Variants in HIVEP2 observed in about 807,000 individuals in gnomAD.
HIVEP2 encodes the protein HIVEP zinc finger 2.
HIVEP2 carries 14 observed loss-of-function variants against 180.7 expected under a neutral mutation model. That is an observed-to-expected ratio of 0.08 (90% CI 0.05 to 0.12). The LOEUF is 0.12. HIVEP2 is among the 10% of genes least tolerant of loss of function. The probability of loss-of-function intolerance (pLI) is 1.00; values close to 1 mark genes in which losing one functional copy is unlikely to be tolerated. For synonymous variants in HIVEP2, 1,184 were observed against 1,136.4 expected (o/e 1.04, Z -0.84); for missense variants, 2,579 against 3,008.5 (o/e 0.86, Z 3.34).
intron 2 of HIVEP2, among the ~76,000 whole-genome samples, chr6:142,792,319 GA>G (rs1274329522): frequency 6.6e-6 from 1 of 152,174 alleles, no homozygotes; most frequent in East Asian, 1.9e-4. Context: ...TGGAGCAAAG[GA>G]GGAAAAGATA....
chr6:142,883,029 G>A (rs1467830439), intron 1 of HIVEP2, among the ~76,000 whole-genome samples: 1 of 151,858 alleles, frequency 6.6e-6, no homozygotes, highest in East Asian at 1.9e-4. Context: ...AAGTATACAG[G>A]GAAATCTGCT....
intron 1 of HIVEP2, among the ~76,000 whole-genome samples, chr6:142,846,998 C>T (rs1463949746): frequency 6.6e-6 from 1 of 152,166 alleles, no homozygotes; most frequent in Non-Finnish European, 1.5e-5. Context: ...ATGCTGTAAA[C>T]ATGCTCATTA....
rs148658713 is a variant in HIVEP2 at position 142,851,074 on chromosome 6, T to C, written c.-640-14027A>G. 3.0e-4 allele frequency among the ~76,000 whole-genome samples: 46 copies of C among 152,346 alleles called. 1 individual carries two copies. The East Asian group carries it at 7.5e-3, about 25-fold the overall frequency. ...CTAGATGGTTAGTTTCTGGGAAATA[T>C]ACAAATAATAGAAGCACTTTCATAT... On this transcript the variant is annotated intron_variant, in intron 1 of 9. Transcript: ENST00000367603.
intron 3 of HIVEP2, among the ~76,000 whole-genome samples, chr6:142,780,281 T>G (rs1380288387): frequency 6.6e-6 from 1 of 152,230 alleles, no homozygotes; most frequent in Non-Finnish European, 1.5e-5. Context: ...AGCTTCCATC[T>G]TTGTGCCTAA....
At chr6:142,823,392 C>T (rs1479719825) in intron 2 of HIVEP2, among the ~76,000 whole-genome samples, 1 of 152,220 alleles carries the variant, frequency 6.6e-6, no homozygotes, top group African/African-American at 2.4e-5. Context: ...TGCCCAATCT[C>T]TTTGCACCAG....
In HIVEP2 at chr6:142,760,077, A is replaced by C. The variant is rs781353572; in HGVS notation, c.6211T>G (p.Ser2071Ala). 6.2e-7 allele frequency: 1 copy of C among 1,614,164 alleles called. No individual in the cohort carries two copies. The highest frequency in any genetic ancestry group is 8.5e-7 in the Non-Finnish European group (1 of 1,180,016). Residue 2071 changes from serine to alanine, a missense_variant, in exon 9 of 10, where the codon TCT becomes GCT. Transcript: ENST00000367603. ...KRYLIPKGDL[S>A]PRRHLSPRRD... is the part of the protein sequence containing the mutation. The stretch of plus-strand genomic sequence containing the variant: ...CTAGGTGATAAATGTCTCCTGGGAG[A>C]TAAATCTCCTTTGGGTATCAGATAC...
At chr6:142,777,546 G>A (rs1003370874) in intron 3 of HIVEP2, among the ~76,000 whole-genome samples, 1 of 149,936 alleles carries the variant, frequency 6.7e-6, no homozygotes, top group African/African-American at 2.5e-5. Flanking sequence ...TACTTGGGAG[G>A]CTGAGGCAGG....
intron 9 of HIVEP2, among the ~76,000 whole-genome samples, chr6:142,758,301 C>T (rs1248825160): frequency 6.6e-6 from 1 of 152,110 alleles, no homozygotes; most frequent in Non-Finnish European, 1.5e-5. Context: ...GAAGTTGGTA[C>T]CAGACTTGTG....
chr6:142,793,665 TTCTTTCTTTCTCTCTCTC>T (rs1776205605), intron 2 of HIVEP2, among the ~76,000 whole-genome samples: 1 of 100,636 alleles, frequency 9.9e-6, no homozygotes, highest in Non-Finnish European at 2.0e-5. Context: ...TCTTTTTTCT[TTCTTTCTTTCTCTCTCTC>T]TCTCTCTCTC....
At chr6:142,911,232 A>G (rs1330496373) in intron 1 of HIVEP2, among the ~76,000 whole-genome samples, 2 of 152,000 alleles carry the variant, frequency 1.3e-5, no homozygotes, top group African/African-American at 2.4e-5. Context: ...AGAGGGGCAG[A>G]GCCTAGGACT....
chr6:142,883,929 C>CT (rs754500428), intron 1 of HIVEP2, among the ~76,000 whole-genome samples: 17 of 152,050 alleles, frequency 1.1e-4, no homozygotes, highest in Non-Finnish European at 2.1e-4. Flanking sequence ...GAAGGTTTTT[C>CT]TTTTTTGTAG....
chr6:142,909,268 A>G (rs938989447), intron 1 of HIVEP2, among the ~76,000 whole-genome samples: 1 of 152,248 alleles, frequency 6.6e-6, no homozygotes, highest in Non-Finnish European at 1.5e-5. Context: ...AAATTGGTAT[A>G]CACAGATTTC....
chr6:142,942,811 C>A (rs1436221007), intron 1 of HIVEP2, among the ~76,000 whole-genome samples: 1 of 152,132 alleles, frequency 6.6e-6, no homozygotes, highest in Non-Finnish European at 1.5e-5. Flanking sequence ...TAAGCCATCT[C>A]TAATAAAGTT....
intron 1 of HIVEP2, among the ~76,000 whole-genome samples, chr6:142,857,056 G>A (rs1223961647): frequency 6.6e-6 from 1 of 152,168 alleles, no homozygotes. Context: ...ACGTAGTGGT[G>A]ATAGTGCATT....
Position 142,887,695 on chromosome 6 carries a change from C to T in HIVEP2, c.-640-50648G>A, listed in dbSNP as rs189339683. Among the ~76,000 whole-genome samples the T allele has an allele frequency of 2.6e-5, 4 of 152,232 alleles. No homozygotes were observed. In the East Asian group the frequency reaches 7.7e-4, roughly 29 times the overall value. The stretch of plus-strand genomic sequence containing the variant: ...TTTTGTTAAGAGAAAATGAAACTTC[C>T]TTACCCTAGATTAGAAACTATGCTA... On this transcript the variant is annotated intron_variant, in intron 1 of 9. Transcript: ENST00000367603.
chr6:142,773,464 G>A lies in HIVEP2; in HGVS notation c.1275C>T (p.Ile425=). 1 of 1,614,240 alleles carries A rather than the reference G, an allele frequency of 6.2e-7. No homozygotes were observed. Among genetic ancestry groups the A allele is most frequent in the Non-Finnish European group, 8.5e-7 (1 of 1,180,052 alleles). Residue 425 remains isoleucine (I), a synonymous_variant, in exon 5 of 10, where the codon ATC becomes ATT. Transcript: ENST00000367603. ...GACTAAGCCGACAGTATTTTCCAAA[G>A]ATGATTTCTTCATAAGACTTTGCAT... ...NTNAKSYEEI[I]FGKYCRLSPR... is the part of the protein sequence containing the mutation.
At chr6:142,887,677 A>T (rs1353524385) in intron 1 of HIVEP2, among the ~76,000 whole-genome samples, 1 of 152,196 alleles carries the variant, frequency 6.6e-6, no homozygotes, top group Non-Finnish European at 1.5e-5. Flanking sequence ...GTTTTTTGTT[A>T]AGAGAAAATG....
At position 142,770,740 on chromosome 6, in the gene HIVEP2, C is replaced by T. The variant is rs756320503; in HGVS notation, c.3999G>A (p.Val1333=). The stretch of plus-strand genomic sequence containing the variant: ...CGTGCGTCTGGATCCGAACAGGAAC[C>T]ACTGTTCCTGGGAGGGACTGCAAAG... ...AGSLQSLPGT[V]VPVRIQTHVP... The change falls in exon 5 of 10, where the codon GTG becomes GTA. Residue 1333 remains valine (V), a synonymous_variant. Transcript: ENST00000367603. This position sits in a 1 kb window ranked among gnomAD's most constrained non-coding sequence, Gnocchi z 4.7. 1.9e-6 allele frequency: 3 copies of T among 1,614,094 alleles called. No homozygotes were observed. The highest frequency in any genetic ancestry group is 2.5e-6 in the Non-Finnish European group (3 of 1,179,964).
At chr6:142,824,213 GAA>G (rs1377826843) in intron 2 of HIVEP2, among the ~76,000 whole-genome samples, 1 of 152,108 alleles carries the variant, frequency 6.6e-6, no homozygotes, top group African/African-American at 2.4e-5. Flanking sequence ...TAGAAAATCT[GAA>G]AAGAGTCAGT....
Sources: gnomAD v4.1 joint callset for allele counts (sites outside exome capture counted in the v4.1 genomes callset) on GRCh38, gnomAD v4.1.1 for gene constraint, Gnocchi (gnomAD v3.1) non-coding constraint, MANE v1.5 for transcripts, NCBI Gene and HGNC (gene_info 2026-07-23, HGNC 2026-07-21) for gene names.